BAZ1A: variants seen among roughly 807,000 people sequenced by gnomAD.
The protein encoded by BAZ1A is bromodomain adjacent to zinc finger domain protein 1A.
In BAZ1A, 50 loss-of-function variants were observed where a neutral mutation model predicts 185.2. The ratio of observed to expected loss-of-function variants is 0.27; its 90% confidence interval spans 0.22 to 0.34. The LOEUF (loss-of-function observed/expected upper bound fraction) is 0.34. Among genes scored for constraint, BAZ1A ranks in the 10% least tolerant of loss-of-function variants. The pLI, the probability that BAZ1A is intolerant of heterozygous loss-of-function variation, is 1.00. For missense variants in BAZ1A, 1,356 were observed against 1,839.9 expected, an observed-to-expected ratio of 0.74 and a Z score of 4.81; for synonymous variants, 571 against 615.6, an observed-to-expected ratio of 0.93 and a Z score of 1.07.
intron 15 of BAZ1A, 97 bp downstream of exon 15, chr14:34,783,665 A>G: frequency 6.8e-7 from 1 of 1,467,432 alleles, no homozygotes; most frequent in Non-Finnish European, 9.2e-7. Context: ...AAACATCAGT[A>G]TAATGAATGC....
At chr14:34,758,593 C>CAA in intron 25 of BAZ1A, 111 bp downstream of exon 25, 3 of 1,159,294 alleles carry the variant, frequency 2.6e-6, no homozygotes, top group African/African-American at 1.6e-5. Flanking sequence ...AAAACAACAA[C>CAA]AACAAAAAAA....
At chr14:34,846,368 A>G (rs11845027) in intron 3 of BAZ1A, among the ~76,000 whole-genome samples, 44,881 of 151,570 alleles carry the variant, frequency 0.3, 6,886 homozygotes, top group Admixed American at 0.39. Context: ...AAAACTAACC[A>G]CTCTCACCCC....
chr14:34,759,209 C>G, intron 24 of BAZ1A, among the ~76,000 whole-genome samples: 1 of 60,550 alleles, frequency 1.7e-5, no homozygotes. Context: ...GAGATGGAGT[C>G]TCGCTCTGTC....
chr14:34,760,474 C>T (rs2383677), intron 24 of BAZ1A, among the ~76,000 whole-genome samples: 48,678 of 148,506 alleles, frequency 0.33, 8,126 homozygotes, highest in Non-Finnish European at 0.38. Flanking sequence ...CTAAAATTCT[C>T]TGAAGAACAG....
rs543076590 is a variant in BAZ1A at position 34,857,067 on chromosome 14, C to T, written c.392+4977G>A. The stretch of plus-strand genomic sequence containing the variant: ...TGTCACCCAGGCTGGAGTGCAGTGG[C>T]GCAATCTCGGCTCACTGCAAGCTCC... On this transcript the variant is annotated intron_variant, in intron 3 of 26. Coordinates refer to ENST00000360310, the MANE Select transcript of BAZ1A (RefSeq NM_013448.3). Among the ~76,000 whole-genome samples, 882 of 143,896 alleles carry T rather than the reference C, an allele frequency of 6.1e-3. 16 individuals are homozygous for T. The highest frequency in any genetic ancestry group is 0.022 in the African/African-American group (846 of 38,500). The allele number at this position is 143,896 out of a possible 152,430, so 94.4% of individuals were successfully genotyped here.
intron 17 of BAZ1A, among the ~76,000 whole-genome samples, chr14:34,779,768 G>C (rs1274698827): frequency 6.6e-6 from 1 of 152,100 alleles, no homozygotes; most frequent in East Asian, 1.9e-4. Flanking sequence ...GAGCATTATT[G>C]ATCTTTATAT....
intron 3 of BAZ1A, among the ~76,000 whole-genome samples, chr14:34,852,607 A>G (rs1475223128): frequency 6.6e-6 from 1 of 152,152 alleles, no homozygotes; most frequent in Non-Finnish European, 1.5e-5. Context: ...TGACAGACTG[A>G]GACTCTGTCT....
At chr14:34,846,734 G>A (rs1483637550) in intron 3 of BAZ1A, among the ~76,000 whole-genome samples, 3 of 151,924 alleles carry the variant, frequency 2.0e-5, no homozygotes, top group Admixed American at 2.0e-4. Context: ...GACAATCCAG[G>A]AGCCAATTAG....
At chr14:34,806,458 A>G (rs1881861367) in intron 6 of BAZ1A, among the ~76,000 whole-genome samples, 1 of 152,054 alleles carries the variant, frequency 6.6e-6, no homozygotes, top group Non-Finnish European at 1.5e-5. Flanking sequence ...CCACCTTCTG[A>G]TAGGCTGAAA....
At chr14:34,834,956 T>C (rs1566587646) in intron 3 of BAZ1A, among the ~76,000 whole-genome samples, 2 of 152,166 alleles carry the variant, frequency 1.3e-5, no homozygotes, top group African/African-American at 2.4e-5. Context: ...TTAGCATTCA[T>C]GTGTGCCAGA....
intron 3 of BAZ1A, among the ~76,000 whole-genome samples, chr14:34,835,862 G>C (rs1465979377): frequency 1.3e-5 from 2 of 151,276 alleles, no homozygotes; most frequent in Admixed American, 6.6e-5. Context: ...GTAGAGACAG[G>C]GTTTCTCCAT....
chr14:34,771,081 A>G (rs1267000591), intron 21 of BAZ1A: 2 of 158,760 alleles, frequency 1.3e-5, no homozygotes, highest in Non-Finnish European at 2.8e-5. Context: ...AGCTCATTGT[A>G]ACCTCAAATT....
intron 3 of BAZ1A, among the ~76,000 whole-genome samples, chr14:34,859,207 C>T (rs536712691): frequency 2.6e-5 from 4 of 151,982 alleles, no homozygotes; most frequent in East Asian, 1.9e-4. Flanking sequence ...TTTGGGAAGC[C>T]GAGGTGGGAT....
At chr14:34,867,141 C>T (rs1007868679) in intron 2 of BAZ1A, among the ~76,000 whole-genome samples, 1 of 152,082 alleles carries the variant, frequency 6.6e-6, no homozygotes, top group Non-Finnish European at 1.5e-5. Flanking sequence ...CGCCTGTAGT[C>T]CCAGCTATTG....
chr14:34,867,893 G>A (rs752039354), intron 2 of BAZ1A, among the ~76,000 whole-genome samples: 3 of 152,098 alleles, frequency 2.0e-5, no homozygotes, highest in Non-Finnish European at 4.4e-5. Context: ...TGTTAATACT[G>A]AATTCTAGGG....
chr14:34,780,118 A>G (rs17527243), intron 17 of BAZ1A, 68 bp downstream of exon 17: 140,114 of 1,577,868 alleles, frequency 0.089, 6,917 homozygotes, highest in Middle Eastern at 0.1. Context: ...AGAGGAGCTG[A>G]ATTAATAAAG....
Position 34,805,158 on chromosome 14 carries a change from G to A in BAZ1A, c.727-2170C>T, listed in dbSNP as rs139519786. Among the ~76,000 whole-genome samples the A allele has an allele frequency of 3.2e-4, 49 of 152,228 alleles. No homozygotes were observed. In the East Asian group the frequency reaches 9.5e-3, roughly 29 times the overall value. On this transcript the variant is annotated intron_variant, in intron 6 of 26. Coordinates refer to ENST00000360310, the MANE Select transcript of BAZ1A (RefSeq NM_013448.3). ...TTGTAGGTTTCCTGAGGCCTCCCCA[G>A]AAGCAGAAGACTGTACAGCCCACAA... is the stretch of plus-strand genomic sequence containing the variant.
At chr14:34,754,436 A>T (rs1228578868) in intron 26 of BAZ1A, among the ~76,000 whole-genome samples, 1 of 151,758 alleles carries the variant, frequency 6.6e-6, no homozygotes, top group Non-Finnish European at 1.5e-5. Flanking sequence ...AAAAAAAGAA[A>T]AAAGAAAAAG....
intron 14 of BAZ1A, 26 bp from the exon 15 acceptor site, chr14:34,783,953 G>A (rs375810869): frequency 6.4e-7 from 1 of 1,557,050 alleles, no homozygotes; most frequent in East Asian, 2.3e-5. Context: ...AAATACTTCT[G>A]TATTATAAAT....
Sources: allele counts gnomAD v4.1 joint callset (sites outside exome capture counted in the v4.1 genomes callset), GRCh38; gene constraint gnomAD v4.1.1; transcripts MANE v1.5; gene names NCBI Gene and HGNC (gene_info 2026-07-23, HGNC 2026-07-21).